The following CSMD2 variants were observed in gnomAD, a reference collection of about 807,000 sequenced individuals.
CSMD2 encodes CUB and sushi domain-containing protein 2.
In CSMD2, 130 loss-of-function variants were observed where a neutral mutation model predicts 398.5. That is an observed-to-expected ratio of 0.33 (90% CI 0.28 to 0.38). The LOEUF is 0.38. Among genes scored for constraint, CSMD2 ranks in the 10% least tolerant of loss-of-function variants. The pLI is 1.00. For missense variants in CSMD2, 3,829 were observed against 4,764.9 expected, an observed-to-expected ratio of 0.80 and a Z score of 5.78; for synonymous variants, 1,828 against 1,908.5, an observed-to-expected ratio of 0.96 and a Z score of 1.10.
intron 5 of CSMD2, among the ~76,000 whole-genome samples, chr1:33,868,051 C>T (rs1640164845): frequency 6.6e-6 from 1 of 152,284 alleles, no homozygotes; most frequent in East Asian, 1.9e-4. Context: ...CTTCTAATGA[C>T]TGTAATGTAA....
intron 3 of CSMD2, among the ~76,000 whole-genome samples, chr1:34,004,024 A>G (rs1264396525): frequency 1.4e-4 from 21 of 152,172 alleles, no homozygotes; most frequent in Non-Finnish European, 4.4e-5. Flanking sequence ...AGACCAGCCA[A>G]TATGACACCC....
At chr1:33,550,467 T>A in intron 55 of CSMD2, 117 bp from the exon 56 acceptor site, 1 of 1,117,840 alleles carries the variant, frequency 8.9e-7, no homozygotes, top group Middle Eastern at 2.1e-4. Context: ...CAAGGGTATC[T>A]GTTGAAGCAA....
At chr1:34,043,298 G>A (rs1023522618) in intron 2 of CSMD2, among the ~76,000 whole-genome samples, 24 of 152,098 alleles carry the variant, frequency 1.6e-4, no homozygotes, top group African/African-American at 5.6e-4. Context: ...GTGCCCAGAT[G>A]TATCCCTTTG....
intron 3 of CSMD2, among the ~76,000 whole-genome samples, chr1:34,023,534 T>C (rs1369013393): frequency 6.6e-6 from 1 of 152,154 alleles, no homozygotes; most frequent in African/African-American, 2.4e-5. Context: ...TAGACTAAGG[T>C]ATCATGGTGG....
At chr1:34,045,808 G>A (rs377579917) in intron 2 of CSMD2, among the ~76,000 whole-genome samples, 30 of 152,316 alleles carry the variant, frequency 2.0e-4, no homozygotes, top group Non-Finnish European at 3.2e-4. Context: ...GGACTGCAGC[G>A]TCTCCTTCTG....
chr1:34,081,958 C>A (rs375305725), intron 2 of CSMD2, among the ~76,000 whole-genome samples: 1 of 151,462 alleles, frequency 6.6e-6, no homozygotes, highest in Admixed American at 6.6e-5. Context: ...AAGTGAGGAG[C>A]GTCTCTAACT....
intron 1 of CSMD2, among the ~76,000 whole-genome samples, chr1:34,132,967 T>C (rs1002783890): frequency 1.3e-4 from 3 of 23,014 alleles, no homozygotes; most frequent in Non-Finnish European, 4.5e-4. Context: ...CACACACACC[T>C]TTTTTTTTTT....
intron 25 of CSMD2, among the ~76,000 whole-genome samples, chr1:33,691,843 C>A (rs867382690): frequency 6.6e-6 from 1 of 152,168 alleles, no homozygotes; most frequent in Non-Finnish European, 1.5e-5. Context: ...GTTTCCCCTA[C>A]TCCAGCCAGA....
intron 15 of CSMD2, among the ~76,000 whole-genome samples, chr1:33,735,192 G>A (rs1646846176): frequency 6.6e-6 from 1 of 152,232 alleles, no homozygotes; most frequent in South Asian, 2.1e-4. Context: ...GTAGCCAAGA[G>A]TCTGGATTTG....
intron 56 of CSMD2, among the ~76,000 whole-genome samples, chr1:33,548,498 G>A (rs1657121449): frequency 6.6e-6 from 1 of 152,196 alleles, no homozygotes; most frequent in African/African-American, 2.4e-5. Flanking sequence ...GGACTTAAGA[G>A]GTTTTGTTGT....
intron 2 of CSMD2, among the ~76,000 whole-genome samples, chr1:34,033,861 AC>A (rs1169230973): frequency 6.6e-6 from 1 of 152,020 alleles, no homozygotes; most frequent in African/African-American, 2.4e-5. Flanking sequence ...CACTGTGAAA[AC>A]CCTTATGCTA....
chr1:33,550,977 G>GT, intron 55 of CSMD2, among the ~76,000 whole-genome samples: 1 of 152,276 alleles, frequency 6.6e-6, no homozygotes, highest in Non-Finnish European at 1.5e-5. Context: ...AGGATCACAG[G>GT]TTGATCCTAA....
In CSMD2 at chr1:33,606,117, G is replaced by C. The variant is rs1570917789; in HGVS notation, c.6344-647C>G. On this transcript the variant is annotated intron_variant, in intron 41 of 70. Coordinates refer to ENST00000373381, the MANE Select transcript of CSMD2 (RefSeq NM_001281956.2). ...GAGTGGGTGGCCTGACTCCACAGGA[G>C]ATGCCTCCATGGAAGCAGCTGAGGC... The C allele has an allele frequency of 5.8e-6, 8 of 1,381,924 alleles. No homozygotes were observed. In the East Asian group the frequency reaches 2.1e-4, roughly 36 times the overall value. The allele number at this position is 1,381,924 out of a possible 1,614,324, so 85.6% of individuals were successfully genotyped here.
At chr1:33,700,713 T>C (rs373177445) in intron 22 of CSMD2, 40 bp from the exon 23 acceptor site, 4 of 1,609,602 alleles carry the variant, frequency 2.5e-6, no homozygotes, top group Non-Finnish European at 3.4e-6. Context: ...GTCGTCAGCA[T>C]GGCCTTATGT....
At chr1:33,786,019 T>C (rs1653497042) in intron 12 of CSMD2, among the ~76,000 whole-genome samples, 1 of 152,200 alleles carries the variant, frequency 6.6e-6, no homozygotes, top group Non-Finnish European at 1.5e-5. Context: ...AGCTCAATTC[T>C]CTGGTGCCTG....
At chr1:33,809,138 C>A (rs992116231) in intron 10 of CSMD2, among the ~76,000 whole-genome samples, 2 of 151,966 alleles carry the variant, frequency 1.3e-5, no homozygotes, top group Non-Finnish European at 2.9e-5. Context: ...CCACTAATAA[C>A]CCCAAAGGAT....
intron 1 of CSMD2, among the ~76,000 whole-genome samples, chr1:34,151,814 T>TCC (rs67575054): frequency 6.2e-4 from 54 of 86,812 alleles, no homozygotes; most frequent in African/African-American, 1.0e-3. Context: ...CCTCCCTCCC[T>TCC]CCCCCCCCTT....
chr1:34,074,637 G>A (rs1257952092), intron 2 of CSMD2, among the ~76,000 whole-genome samples: 2 of 152,170 alleles, frequency 1.3e-5, no homozygotes, highest in African/African-American at 4.8e-5. Context: ...GTTAGGCCCT[G>A]GAGAGCTACA....
At chr1:34,052,533 G>A (rs990326031) in intron 2 of CSMD2, among the ~76,000 whole-genome samples, 2 of 148,316 alleles carry the variant, frequency 1.3e-5, no homozygotes, top group Non-Finnish European at 3.0e-5. Context: ...GTGTGTGTAA[G>A]AAAGAGAAAG....
Sources: gnomAD v4.1 joint callset for allele counts (sites outside exome capture counted in the v4.1 genomes callset) on GRCh38, gnomAD v4.1.1 for gene constraint, MANE v1.5 for transcripts, NCBI Gene and HGNC (gene_info 2026-07-23, HGNC 2026-07-21) for gene names.